The following GNAQ variants were observed in gnomAD, a reference collection of about 807,000 sequenced individuals.
GNAQ encodes the protein G protein subunit alpha q, also known as guanine nucleotide-binding protein G(q) subunit alpha.
A neutral mutation model predicts 43.9 loss-of-function variants in GNAQ; 8 were observed. The observed-to-expected ratio is 0.18, with a 90% CI of 0.11 to 0.33. The LOEUF (loss-of-function observed/expected upper bound fraction) is 0.33. GNAQ is among the 10% of genes least tolerant of loss of function. The pLI, the probability that GNAQ is intolerant of heterozygous loss-of-function variation, is 1.00. For synonymous variants in GNAQ, 155 were observed against 170.7 expected, an observed-to-expected ratio of 0.91 and a Z score of 0.71; for missense variants, 158 against 450.8, an observed-to-expected ratio of 0.35 and a Z score of 5.88.
chr9:77,735,911 T>C (rs962146524), intron 5 of GNAQ, among the ~76,000 whole-genome samples: 6 of 152,126 alleles, frequency 3.9e-5, no homozygotes, highest in African/African-American at 1.4e-4. Context: ...TCCTCATGTA[T>C]CTCCCATGGT....
In GNAQ at chr9:78,031,354, C is replaced by T. The variant is rs1824057601; in HGVS notation, c.-119G>A. The T allele has an allele frequency of 1.3e-6, 1 of 754,736 alleles. No homozygotes were observed. The highest frequency in any genetic ancestry group is 1.8e-6 in the Non-Finnish European group (1 of 566,344). 46.8% of individuals were successfully genotyped at this position (754,736 alleles called of 1,614,324 possible). ...GGCCGCCGAGCCCCCGCCGCCCGGG[C>T]GCGCGTCCGGGACGAGCTCCGGGAA... On this transcript the variant is annotated 5_prime_UTR_variant, in exon 1 of 7. Coordinates refer to ENST00000286548, the MANE Select transcript of GNAQ (RefSeq NM_002072.5).
intron 2 of GNAQ, among the ~76,000 whole-genome samples, chr9:77,867,059 A>T (rs1394063561): frequency 6.6e-6 from 1 of 152,190 alleles, no homozygotes; most frequent in Non-Finnish European, 1.5e-5. Flanking sequence ...TCCTTTCTAC[A>T]TTTATCACTG....
chr9:78,023,572 A>G (rs142339327), intron 1 of GNAQ, among the ~76,000 whole-genome samples: 77 of 152,260 alleles, frequency 5.1e-4, no homozygotes, highest in Middle Eastern at 6.8e-3. Flanking sequence ...GCCTGCAGTT[A>G]CCAGTAAATA....
chr9:77,727,087 CTTTT>C (rs60016428), intron 6 of GNAQ, among the ~76,000 whole-genome samples: 30 of 139,166 alleles, frequency 2.2e-4, no homozygotes, highest in Non-Finnish European at 2.8e-4. Context: ...AATAAATAAA[CTTTT>C]TTTTTTTTTT....
chr9:77,903,474 A>G (rs527259947), intron 2 of GNAQ, among the ~76,000 whole-genome samples: 4 of 152,208 alleles, frequency 2.6e-5, no homozygotes, highest in Non-Finnish European at 5.9e-5. Flanking sequence ...AAGTGTTTAA[A>G]GGAAGATCCT....
intron 2 of GNAQ, among the ~76,000 whole-genome samples, chr9:77,916,175 T>G (rs765212013): frequency 2.0e-5 from 3 of 152,230 alleles, no homozygotes; most frequent in African/African-American, 7.2e-5. Flanking sequence ...CATTTTCAGA[T>G]AAATTCATTT....
At chr9:77,927,243 T>C (rs1829083463) in intron 1 of GNAQ, among the ~76,000 whole-genome samples, 1 of 152,230 alleles carries the variant, frequency 6.6e-6, no homozygotes, top group Non-Finnish European at 1.5e-5. Context: ...ATTTGCATGA[T>C]ATAGTCTGCA....
At chr9:78,015,362 C>A (rs1386591599) in intron 1 of GNAQ, among the ~76,000 whole-genome samples, 3 of 152,138 alleles carry the variant, frequency 2.0e-5, no homozygotes, top group African/African-American at 7.2e-5. Context: ...CCACAAATTT[C>A]TCAGAAGGTA....
intron 1 of GNAQ, among the ~76,000 whole-genome samples, chr9:77,925,444 T>C (rs1829057607): frequency 1.3e-5 from 2 of 152,318 alleles, no homozygotes; most frequent in South Asian, 2.1e-4. Context: ...TTCACTTCTA[T>C]TGCCCACAAT....
chr9:78,015,231 C>T (rs1284138915), intron 1 of GNAQ, among the ~76,000 whole-genome samples: 8 of 152,214 alleles, frequency 5.3e-5, no homozygotes, highest in Admixed American at 3.9e-4. Context: ...ACATGCTTTA[C>T]AGGTTTGCAG....
intron 2 of GNAQ, among the ~76,000 whole-genome samples, chr9:77,881,209 G>A (rs1253207879): frequency 4.6e-5 from 7 of 151,964 alleles, no homozygotes; most frequent in Non-Finnish European, 7.4e-5. Context: ...CCCCCAAAAC[G>A]GGCAATATAT....
intron 2 of GNAQ, among the ~76,000 whole-genome samples, chr9:77,913,260 A>G (rs1828838907): frequency 6.6e-6 from 1 of 150,636 alleles, no homozygotes; most frequent in Non-Finnish European, 1.5e-5. Flanking sequence ...TATTTTTATC[A>G]GCCAGAAATG....
chr9:77,881,032 C>T (rs1828199314), intron 2 of GNAQ, among the ~76,000 whole-genome samples: 1 of 152,168 alleles, frequency 6.6e-6, no homozygotes, highest in Non-Finnish European at 1.5e-5. Flanking sequence ...TAGCATGCTC[C>T]CTCTCTACCT....
intron 1 of GNAQ, among the ~76,000 whole-genome samples, chr9:77,997,934 G>GGC (rs757258428): frequency 3.4e-4 from 52 of 152,260 alleles, no homozygotes; most frequent in Admixed American, 8.5e-4. Context: ...AGGTGCCTTG[G>GGC]GCCAAGGAGC....
intron 1 of GNAQ, among the ~76,000 whole-genome samples, chr9:77,943,068 T>C (rs888241919): frequency 7.2e-5 from 11 of 152,204 alleles, no homozygotes; most frequent in Non-Finnish European, 1.5e-4. Flanking sequence ...AGAGTACTAT[T>C]TTTAGAAGTT....
intron 3 of GNAQ, among the ~76,000 whole-genome samples, chr9:77,809,393 T>C (rs1013260280): frequency 6.6e-6 from 1 of 152,206 alleles, no homozygotes; most frequent in African/African-American, 2.4e-5. Flanking sequence ...TTCTGGCTAA[T>C]GTCAGGGAGC....
intron 1 of GNAQ, among the ~76,000 whole-genome samples, chr9:77,935,028 G>A (rs934737145): frequency 6.6e-6 from 1 of 152,146 alleles, no homozygotes; most frequent in Non-Finnish European, 1.5e-5. Context: ...TGGAGGCTGA[G>A]GCAGGAGAAT....
chr9:77,897,647 T>C (rs1206402054), intron 2 of GNAQ, among the ~76,000 whole-genome samples: 1 of 152,134 alleles, frequency 6.6e-6, no homozygotes, highest in Non-Finnish European at 1.5e-5. Context: ...TCCCCTGAGA[T>C]TCTCATTAAG....
At chr9:77,845,385 G>T (rs940739975) in intron 2 of GNAQ, among the ~76,000 whole-genome samples, 1 of 152,032 alleles carries the variant, frequency 6.6e-6, no homozygotes, top group African/African-American at 2.4e-5. Flanking sequence ...ACTTGAGATG[G>T]AATAATGCAA....
Sources: allele counts gnomAD v4.1 joint callset (sites outside exome capture counted in the v4.1 genomes callset), GRCh38; gene constraint gnomAD v4.1.1; transcripts MANE v1.5; gene names NCBI Gene and HGNC (gene_info 2026-07-23, HGNC 2026-07-21).